SCAF8: variants seen among roughly 807,000 people sequenced by gnomAD.
SCAF8 encodes the protein SR-related CTD associated factor 8, also known as SR-related and CTD-associated factor 8.
A neutral mutation model predicts 140.5 loss-of-function variants in SCAF8; 23 were observed. The observed-to-expected ratio is 0.16, with a 90% CI of 0.12 to 0.23. The LOEUF (loss-of-function observed/expected upper bound fraction) is 0.23, where lower values mean the gene tolerates loss of function less well. Among genes scored for constraint, SCAF8 ranks in the 10% least tolerant of loss-of-function variants. The pLI, the probability that SCAF8 is intolerant of heterozygous loss-of-function variation, is 1.00. For missense variants in SCAF8, 1,397 were observed against 1,555.7 expected (o/e 0.90, Z 1.72); for synonymous variants, 575 against 528.9 (o/e 1.09, Z -1.20).
chr6:154,756,534 G>A (rs1288166643), intron 1 of SCAF8, among the ~76,000 whole-genome samples: 1 of 152,160 alleles, frequency 6.6e-6, no homozygotes, highest in Non-Finnish European at 1.5e-5. Flanking sequence ...GCTTTGAACT[G>A]TTAATCAGTT....
At chr6:154,737,217 G>A (rs1377972643) in intron 1 of SCAF8, among the ~76,000 whole-genome samples, 1 of 152,142 alleles carries the variant, frequency 6.6e-6, no homozygotes, top group Non-Finnish European at 1.5e-5. Flanking sequence ...GGCTTTTAAA[G>A]GTGTTTATCT....
rs572410826 is a variant in SCAF8 at position 154,753,094 on chromosome 6, C to T, written c.30+19164C>T. Among the ~76,000 whole-genome samples the T allele has an allele frequency of 2.3e-4, 35 of 151,838 alleles. No homozygotes were observed. In the South Asian group the frequency reaches 2.5e-3, roughly 11 times the overall value. On this transcript the variant is annotated intron_variant, in intron 1 of 19. Coordinates refer to ENST00000367178, the MANE Select transcript of SCAF8 (RefSeq NM_014892.5). ...CTGTAATCCCAGCACTTTGGGAGGC[C>T]GAGGTGGGCAGATCACCTGAGGTCA...
At position 154,832,716 on chromosome 6, in the gene SCAF8, G is replaced by A; in HGVS notation, c.3137G>A (p.Arg1046Lys). ...GTGGTTGGGCGGCCTATAGATCCAA[G>A]AGAAGGTCCTGGACGGCCTCCACTA... ...RDVVGRPIDPREGPGRPPLDG... is the reference protein window; with the variant it reads ...RDVVGRPIDPKEGPGRPPLDG... Residue 1046 changes from arginine (R) to lysine (K), a missense_variant, in exon 20 of 20, where the codon AGA becomes AAA. Transcript: ENST00000367178. 6.2e-7 allele frequency: 1 copy of A among 1,613,998 alleles called. No homozygotes were observed. The highest frequency in any genetic ancestry group is 2.2e-5 in the East Asian group (1 of 44,864).
chr6:154,801,226 C>T (rs1008531663), intron 6 of SCAF8, among the ~76,000 whole-genome samples: 4 of 151,536 alleles, frequency 2.6e-5, no homozygotes, highest in African/African-American at 9.7e-5. Flanking sequence ...AATTACTTTA[C>T]TGTCATCTTA....
intron 12 of SCAF8, among the ~76,000 whole-genome samples, chr6:154,814,722 TTAAA>T (rs1315413025): frequency 6.6e-6 from 1 of 152,222 alleles, no homozygotes; most frequent in Non-Finnish European, 1.5e-5. Flanking sequence ...TAAATATTTT[TTAAA>T]TAAATGTCTT....
chr6:154,754,246 GTTTA>G (rs1778910747), intron 1 of SCAF8, among the ~76,000 whole-genome samples: 1 of 152,178 alleles, frequency 6.6e-6, no homozygotes, highest in Non-Finnish European at 1.5e-5. Flanking sequence ...TTTAAATGCA[GTTTA>G]TTTAGGTGTT....
chr6:154,796,987 A>G (rs1003249874), intron 6 of SCAF8, among the ~76,000 whole-genome samples: 1 of 152,020 alleles, frequency 6.6e-6, no homozygotes, highest in African/African-American at 2.4e-5. Flanking sequence ...TCTCAAAAAA[A>G]AAAAAAGAAC....
intron 1 of SCAF8, among the ~76,000 whole-genome samples, chr6:154,749,161 C>T (rs185633109): frequency 9.2e-5 from 14 of 152,206 alleles, no homozygotes; most frequent in Admixed American, 5.9e-4. Context: ...AGGCTGGTCT[C>T]GAACTCCCGA....
chr6:154,733,631 C>G lies in SCAF8; in HGVS notation c.-270C>G, dbSNP rs1778320755. ...AGGCGCCGCGGCCCAGCCCCTCCCC[C>G]GCCCGCCGCCGACCCGCCCCGGCAG... is the stretch of plus-strand genomic sequence containing the variant. On this transcript the variant is annotated 5_prime_UTR_variant, in exon 1 of 20. Coordinates refer to ENST00000367178, the MANE Select transcript of SCAF8 (RefSeq NM_014892.5). The G allele has an allele frequency of 7.7e-7, 1 of 1,293,582 alleles. No homozygotes were observed. The highest frequency in any genetic ancestry group is 9.8e-7 in the Non-Finnish European group (1 of 1,024,756). The allele number at this position is 1,293,582 out of a possible 1,614,324, so 80.1% of individuals were successfully genotyped here.
At chr6:154,758,893 C>A (rs577841664) in intron 1 of SCAF8, among the ~76,000 whole-genome samples, 1 of 152,236 alleles carries the variant, frequency 6.6e-6, no homozygotes, top group Non-Finnish European at 1.5e-5. Context: ...AGTCCTTTTT[C>A]CTAGTATTCT....
At position 154,833,416 on chromosome 6, in the gene SCAF8, G is replaced by C; in HGVS notation, c.*21G>C. 1 of 1,596,670 alleles carries C rather than the reference G, an allele frequency of 6.3e-7. No homozygotes were observed. The highest frequency in any genetic ancestry group is 1.1e-5 in the South Asian group (1 of 87,262). On this transcript the variant is annotated 3_prime_UTR_variant, in exon 20 of 20. Coordinates refer to ENST00000367178, the MANE Select transcript of SCAF8 (RefSeq NM_014892.5). Reference sequence around the variant, plus strand: ...CATAATCATCACTCAGTAGGTAAAAGATACCTTTTGTAAAGTTGTCATCTC... The same window carrying C: ...CATAATCATCACTCAGTAGGTAAAACATACCTTTTGTAAAGTTGTCATCTC...
intron 1 of SCAF8, among the ~76,000 whole-genome samples, chr6:154,742,321 T>A (rs1199120768): frequency 6.6e-6 from 1 of 152,188 alleles, no homozygotes; most frequent in Non-Finnish European, 1.5e-5. Flanking sequence ...ATAGAACTAT[T>A]TGAGTGAATT....
chr6:154,787,099 A>G (rs796642358), intron 3 of SCAF8, among the ~76,000 whole-genome samples: 1 of 152,318 alleles, frequency 6.6e-6, no homozygotes, highest in South Asian at 2.1e-4. Flanking sequence ...TCGTGCCTGT[A>G]TTTCCAGCAC....
chr6:154,786,402 C>G (rs1305769613), intron 3 of SCAF8, among the ~76,000 whole-genome samples: 1 of 152,200 alleles, frequency 6.6e-6, no homozygotes, highest in Non-Finnish European at 1.5e-5. Context: ...TACTCAGGAG[C>G]AATTTGGGGA....
chr6:154,756,072 T>C (rs1174685307), intron 1 of SCAF8, among the ~76,000 whole-genome samples: 1 of 152,230 alleles, frequency 6.6e-6, no homozygotes, highest in East Asian at 1.9e-4. Context: ...ATTTCACTTA[T>C]ACATCCCTCC....
Position 154,733,847 on chromosome 6 carries a change from T to C in SCAF8, c.-54T>C. The C allele has an allele frequency of 6.5e-7, 1 of 1,541,236 alleles. No homozygotes were observed. The highest frequency in any genetic ancestry group is 1.2e-5 in the South Asian group (1 of 83,308). ...CCCGCGTCTCGCTCTCCCCACCCAG[T>C]GCAGTGGCCGCCGCCTCTTCCGCCG... is the stretch of plus-strand genomic sequence containing the variant. On this transcript the variant is annotated 5_prime_UTR_variant, in exon 1 of 20. Coordinates refer to ENST00000367178, the MANE Select transcript of SCAF8 (RefSeq NM_014892.5).
intron 2 of SCAF8, 105 bp downstream of exon 2, chr6:154,774,177 A>G: frequency 1.3e-6 from 1 of 793,812 alleles, no homozygotes; most frequent in East Asian, 2.6e-5. Context: ...TTCACTTTAC[A>G]GTGTTAACAC....
At position 154,831,703 on chromosome 6, in the gene SCAF8, T is replaced by TAAAAAAAAAAAA. The variant is rs58013583; in HGVS notation, c.2360-208_2360-197dup. ...CCTTTTAAACCTCCACTCCTGTTCT[T>TAAAAAAAAAAAA]AAAAAAAAAAAAAAAAAAAAAAAAA... On this transcript the variant is annotated intron_variant, in intron 19 of 19. Transcript: ENST00000367178. 2.9e-4 allele frequency among the ~76,000 whole-genome samples: 14 copies of TAAAAAAAAAAAA among 48,092 alleles called. 2 individuals are homozygous for TAAAAAAAAAAAA. The highest frequency in any genetic ancestry group is 8.4e-4 in the African/African-American group (12 of 14,216). 31.6% of individuals were successfully genotyped at this position (48,092 alleles called of 152,430 possible). A position where few individuals can be genotyped will look rare whatever the true frequency, so the allele number is the denominator to read the frequency against.
chr6:154,741,843 A>T, intron 1 of SCAF8: 1 of 665,526 alleles, frequency 1.5e-6, no homozygotes, highest in South Asian at 1.7e-5. Context: ...TAATGGTGTG[A>T]AAGAATGTAA....
Sources: gnomAD v4.1 joint callset for allele counts (sites outside exome capture counted in the v4.1 genomes callset) on GRCh38, gnomAD v4.1.1 for gene constraint, MANE v1.5 for transcripts, NCBI Gene and HGNC (gene_info 2026-07-23, HGNC 2026-07-21) for gene names.